HYAL4: variants seen among roughly 807,000 people sequenced by gnomAD.
HYAL4 encodes hyaluronidase-4.
HYAL4 carries 37 observed loss-of-function variants against 35.2 expected under a neutral mutation model. The observed-to-expected ratio is 1.05, with a 90% CI of 0.81 to 1.38. The LOEUF (loss-of-function observed/expected upper bound fraction) is 1.38, where lower values mean the gene tolerates loss of function less well. HYAL4 is among the 40% of genes most tolerant of loss of function. HYAL4 has a pLI of 0.00. For missense variants in HYAL4, 572 were observed against 572.4 expected, an observed-to-expected ratio of 1.00 and a Z score of 0.01; for synonymous variants, 198 against 203.2, an observed-to-expected ratio of 0.97 and a Z score of 0.22.
In HYAL4 at chr7:123,877,062, G is replaced by A. The variant is rs192724561; in HGVS notation, c.1353G>A (p.Thr451=). 7.4e-6 allele frequency: 12 copies of A among 1,614,158 alleles called. No homozygotes were observed. Among genetic ancestry groups the A allele is most frequent in the East Asian group, 2.2e-5 (1 of 44,884 alleles). The change falls in exon 5 of 5, where the codon ACG becomes ACA. Residue 451 remains threonine, a synonymous_variant. Transcript: ENST00000223026. ...GAGCTGATTGCAGAGAAATAAAGAC[G>A]GCTGATGGCTGCTCTGGGGTTTCCC... The part of the protein sequence containing the change: ...YEGADCREIK[T]ADGCSGVSPS...
the HYAL4 span, among the ~76,000 whole-genome samples, chr7:123,765,805 C>T: frequency 6.6e-6 from 1 of 152,018 alleles, no homozygotes. Context: ...CTTTATACCC[C>T]AAAATAGCAA....
At chr7:123,775,890 G>A in the HYAL4 span, among the ~76,000 whole-genome samples, 2 of 152,128 alleles carry the variant, frequency 1.3e-5, no homozygotes, top group Non-Finnish European at 2.9e-5. Flanking sequence ...GCAGCTATCT[G>A]GAAATATAGA....
At chr7:123,789,415 C>G in the HYAL4 span, among the ~76,000 whole-genome samples, 1 of 152,124 alleles carries the variant, frequency 6.6e-6, no homozygotes, top group Non-Finnish European at 1.5e-5. Context: ...TAACATGATG[C>G]AAGGAACACC....
intron 2 of HYAL4, among the ~76,000 whole-genome samples, chr7:123,852,821 C>T (rs1806342577): frequency 6.6e-6 from 1 of 152,044 alleles, no homozygotes; most frequent in African/African-American, 2.4e-5. Flanking sequence ...TATAAATTAC[C>T]TTGGGCAGTA....
chr7:123,795,395 A>G, the HYAL4 span, among the ~76,000 whole-genome samples: 1 of 152,190 alleles, frequency 6.6e-6, no homozygotes, highest in Non-Finnish European at 1.5e-5. Flanking sequence ...GGGAGGGGCC[A>G]GGAGTGGAAT....
At chr7:123,773,083 T>G in the HYAL4 span, among the ~76,000 whole-genome samples, 1 of 152,220 alleles carries the variant, frequency 6.6e-6, no homozygotes, top group African/African-American at 2.4e-5. Context: ...TCTGATGGTT[T>G]AAGTCTAATC....
chr7:123,819,250 T>C, the HYAL4 span: 1 of 152,620 alleles, frequency 6.6e-6, no homozygotes, highest in Non-Finnish European at 1.5e-5. Context: ...ACGTGTTCCT[T>C]ACCACAGTTG....
chr7:123,851,094 G>GA (rs1806294794), intron 2 of HYAL4, among the ~76,000 whole-genome samples: 1 of 152,202 alleles, frequency 6.6e-6, no homozygotes, highest in South Asian at 2.1e-4. Flanking sequence ...ATTAATGTAG[G>GA]AACGCAACTT....
intron 1 of HYAL4, among the ~76,000 whole-genome samples, chr7:123,846,073 T>C (rs1167431479): frequency 6.6e-6 from 1 of 152,226 alleles, no homozygotes; most frequent in Non-Finnish European, 1.5e-5. Context: ...TGGAATGGAC[T>C]CTGTGAAGGT....
chr7:123,828,412 C>T (rs1805831057), upstream of HYAL4, among the ~76,000 whole-genome samples: 1 of 136,484 alleles, frequency 7.3e-6, no homozygotes, highest in Non-Finnish European at 1.6e-5. Flanking sequence ...AATAATACTC[C>T]CTCTTGTTCA....
Position 123,872,211 on chromosome 7 carries a change from A to G in HYAL4, c.955-2550A>G, listed in dbSNP as rs1211366021. 2.0e-5 allele frequency among the ~76,000 whole-genome samples: 3 copies of G among 152,152 alleles called. No individual in the cohort carries two copies. In the East Asian group the frequency reaches 5.8e-4, roughly 29 times the overall value. On this transcript the variant is annotated intron_variant, in intron 3 of 4. Coordinates refer to ENST00000223026, the MANE Select transcript of HYAL4 (RefSeq NM_012269.3). ...GTCTATTATTGCACTCTGTATGGCCATATTTACCCATCGTTTAGCTCCTAC... is the reference window on the plus strand; with the variant it reads ...GTCTATTATTGCACTCTGTATGGCCGTATTTACCCATCGTTTAGCTCCTAC...
the HYAL4 span, among the ~76,000 whole-genome samples, chr7:123,782,501 G>GT: frequency 2.6e-5 from 4 of 151,076 alleles, no homozygotes; most frequent in South Asian, 2.1e-4. Flanking sequence ...TATTGATTTA[G>GT]TTTTTTTTCA....
the HYAL4 span, among the ~76,000 whole-genome samples, chr7:123,777,279 A>T: frequency 1.3e-5 from 2 of 151,998 alleles, no homozygotes; most frequent in African/African-American, 4.8e-5. Flanking sequence ...TACATACTAG[A>T]TTTCTGAAAC....
At chr7:123,802,662 G>A in the HYAL4 span, among the ~76,000 whole-genome samples, 46 of 151,408 alleles carry the variant, frequency 3.0e-4, no homozygotes, top group African/African-American at 9.2e-4. Flanking sequence ...ACTCTTCAAC[G>A]CCCTATAGAT....
chr7:123,833,343 A>AT (rs1252888913), intron 1 of HYAL4, among the ~76,000 whole-genome samples: 2 of 151,964 alleles, frequency 1.3e-5, no homozygotes, highest in African/African-American at 4.8e-5. Context: ...GATATTGAAC[A>AT]TTTTTTCATA....
At chr7:123,854,552 G>C (rs559278533) in intron 2 of HYAL4, among the ~76,000 whole-genome samples, 166 of 152,270 alleles carry the variant, frequency 1.1e-3, no homozygotes, top group Middle Eastern at 3.4e-3. Flanking sequence ...TCTTAATCCT[G>C]AGTTCTAATT....
chr7:123,849,726 G>T (rs1806259361), intron 2 of HYAL4, among the ~76,000 whole-genome samples: 1 of 152,016 alleles, frequency 6.6e-6, no homozygotes. Context: ...TCTCTGCAGG[G>T]TATGGTGGAG....
intron 2 of HYAL4, among the ~76,000 whole-genome samples, chr7:123,854,831 T>C (rs1287749015): frequency 6.6e-6 from 1 of 152,202 alleles, no homozygotes; most frequent in Admixed American, 6.5e-5. Flanking sequence ...TGTTAAAGTA[T>C]CCCACTATTA....
At chr7:123,874,687 G>A (rs1471989418) in intron 3 of HYAL4, 74 bp from the exon 4 acceptor site, 2 of 879,452 alleles carry the variant, frequency 2.3e-6, no homozygotes, top group East Asian at 4.9e-5. Context: ...TTACAGGCGT[G>A]AGCCACCGCG....
Sources: gnomAD v4.1 joint callset for allele counts (sites outside exome capture counted in the v4.1 genomes callset) on GRCh38, gnomAD v4.1.1 for gene constraint, MANE v1.5 for transcripts, NCBI Gene and HGNC (gene_info 2026-07-23, HGNC 2026-07-21) for gene names.